CEP128: variants seen among roughly 807,000 people sequenced by gnomAD.
The protein encoded by CEP128 is centrosomal protein 128kDa.
In CEP128, 132 loss-of-function variants were observed where a neutral mutation model predicts 156.7. That is an observed-to-expected ratio of 0.84 (90% CI 0.73 to 0.97). The LOEUF is 0.97. Ranked by LOEUF, CEP128 falls within the 50% of genes least tolerant of loss-of-function variation. The pLI is 0.00. For missense variants in CEP128, 1,252 were observed against 1,281.9 expected (o/e 0.98, Z 0.36); for synonymous variants, 469 against 448.9 (o/e 1.04, Z -0.57).
At position 80,792,745 on chromosome 14, in the gene CEP128, A is replaced by C. The variant is rs1252580573; in HGVS notation, c.1560+15T>G. On this transcript the variant is annotated intron_variant, in intron 14 of 24. Transcript: ENST00000555265. ...TCACATTGAAAACCGTTCCTTAGGAATGTGGCTTTTATACCTGATTATTCT... is the reference window on the plus strand; with the variant it reads ...TCACATTGAAAACCGTTCCTTAGGACTGTGGCTTTTATACCTGATTATTCT... 1 of 1,601,856 alleles carries C rather than the reference A, an allele frequency of 6.2e-7. No individual in the cohort carries two copies. The highest frequency in any genetic ancestry group is 8.5e-7 in the Non-Finnish European group (1 of 1,169,700).
At chr14:80,858,308 T>C (rs1887314866) in intron 9 of CEP128, among the ~76,000 whole-genome samples, 1 of 137,768 alleles carries the variant, frequency 7.3e-6, no homozygotes, top group Non-Finnish European at 1.5e-5. Context: ...GGATTCCCTA[T>C]TTAATAAATG....
At chr14:80,905,161 T>G (rs1362939250) in intron 5 of CEP128, among the ~76,000 whole-genome samples, 1 of 134,708 alleles carries the variant, frequency 7.4e-6, no homozygotes, top group Middle Eastern at 3.5e-3. Flanking sequence ...AATAGAACAC[T>G]CAAAAGTTTC....
At chr14:80,743,377 C>T (rs1303006631) in intron 18 of CEP128, 110 bp from the exon 19 acceptor site, 18 of 981,232 alleles carry the variant, frequency 1.8e-5, no homozygotes, top group East Asian at 2.6e-5. Context: ...TAGATAATTA[C>T]CAAATTTTTG....
intron 19 of CEP128, among the ~76,000 whole-genome samples, chr14:80,688,550 T>C (rs1896604005): frequency 6.6e-6 from 1 of 152,214 alleles, no homozygotes; most frequent in Non-Finnish European, 1.5e-5. Context: ...TAACTAATGT[T>C]ATACTAAAAC....
At chr14:80,682,438 T>C (rs972480787) in intron 19 of CEP128, among the ~76,000 whole-genome samples, 1 of 152,146 alleles carries the variant, frequency 6.6e-6, no homozygotes, top group Admixed American at 6.5e-5. Context: ...TTGAGAAATA[T>C]GGAATTATGT....
intron 9 of CEP128, among the ~76,000 whole-genome samples, chr14:80,843,255 A>G (rs1595485819): frequency 1.3e-5 from 2 of 152,030 alleles, no homozygotes; most frequent in East Asian, 3.9e-4. Flanking sequence ...AGCTTGGTTA[A>G]GAATGATGGC....
At chr14:80,885,939 C>T (rs1888775980) in intron 8 of CEP128, among the ~76,000 whole-genome samples, 1 of 151,968 alleles carries the variant, frequency 6.6e-6, no homozygotes, top group South Asian at 2.1e-4. Context: ...ACATAAATGA[C>T]CTGGTGGAGC....
intron 19 of CEP128, among the ~76,000 whole-genome samples, chr14:80,632,035 C>T (rs1164041146): frequency 6.6e-6 from 1 of 151,996 alleles, no homozygotes; most frequent in Non-Finnish European, 1.5e-5. Flanking sequence ...CTCTTCTGTA[C>T]TCTGAATTCT....
chr14:80,699,119 G>A (rs1279557693), intron 19 of CEP128, among the ~76,000 whole-genome samples: 1 of 152,126 alleles, frequency 6.6e-6, no homozygotes, highest in African/African-American at 2.4e-5. Context: ...CTTTCTGTCA[G>A]AGTACACATT....
At chr14:80,810,285 T>C (rs146507450) in intron 13 of CEP128, among the ~76,000 whole-genome samples, 8,475 of 120,372 alleles carry the variant, frequency 0.07, 925 homozygotes, top group African/African-American at 0.25. Context: ...ATCGCGCCAT[T>C]GCACTCCAGC....
chr14:80,754,077 T>A (rs1899520975), intron 18 of CEP128, among the ~76,000 whole-genome samples: 2 of 152,218 alleles, frequency 1.3e-5, no homozygotes, highest in African/African-American at 4.8e-5. Context: ...CATTCTCCTG[T>A]TCAAAACTCC....
chr14:80,834,047 T>C (rs940191168), intron 12 of CEP128, among the ~76,000 whole-genome samples: 1 of 152,104 alleles, frequency 6.6e-6, no homozygotes, highest in African/African-American at 2.4e-5. Context: ...AATGAGCAAC[T>C]CCATTTGGAG....
In CEP128 at chr14:80,751,866, G is replaced by C. The variant is rs186567835; in HGVS notation, c.2613+5026C>G. ...GGCTGGTCTCGAACTCCCAACCTCAGATGAACTATCCACCTCGGCCTCTCA... is the reference window on the plus strand; with the variant it reads ...GGCTGGTCTCGAACTCCCAACCTCACATGAACTATCCACCTCGGCCTCTCA... On this transcript the variant is annotated intron_variant, in intron 18 of 24. Transcript: ENST00000555265. Among the ~76,000 whole-genome samples the C allele has an allele frequency of 2.6e-5, 4 of 152,240 alleles. No homozygotes were observed. The South Asian group carries it at 8.3e-4, about 32-fold the overall frequency.
chr14:80,748,019 T>C (rs1371345415), intron 18 of CEP128, among the ~76,000 whole-genome samples: 1 of 152,196 alleles, frequency 6.6e-6, no homozygotes, highest in Middle Eastern at 3.2e-3. Flanking sequence ...TTGTATGATA[T>C]ATGAATTATA....
At chr14:80,717,938 C>T (rs535543953) in intron 19 of CEP128, among the ~76,000 whole-genome samples, 1 of 152,294 alleles carries the variant, frequency 6.6e-6, no homozygotes, top group African/African-American at 2.4e-5. Flanking sequence ...CTTCAGCTTC[C>T]CTAGTAGCTC....
At chr14:80,918,325 C>A (rs113082543) in intron 2 of CEP128, among the ~76,000 whole-genome samples, 2 of 152,298 alleles carry the variant, frequency 1.3e-5, no homozygotes, top group East Asian at 3.9e-4. Flanking sequence ...AACATAACAT[C>A]TTTTACTCTA....
intron 1 of CEP128, among the ~76,000 whole-genome samples, chr14:80,940,824 G>C (rs1033773613): frequency 6.6e-6 from 1 of 151,916 alleles, no homozygotes; most frequent in African/African-American, 2.4e-5. Context: ...ATTCACCTGA[G>C]TGGCTCACAC....
At chr14:80,625,255 T>C (rs1434244877) in intron 19 of CEP128, among the ~76,000 whole-genome samples, 2 of 152,208 alleles carry the variant, frequency 1.3e-5, no homozygotes, top group African/African-American at 4.8e-5. Flanking sequence ...AATCAGTTAG[T>C]TGTAAATGTG....
chr14:80,811,064 T>C (rs1232171630), intron 13 of CEP128, among the ~76,000 whole-genome samples: 2 of 152,128 alleles, frequency 1.3e-5, no homozygotes, highest in Admixed American at 6.5e-5. Flanking sequence ...CTGTGTTAGT[T>C]TGCTGAGGTT....
Sources: allele counts gnomAD v4.1 joint callset (sites outside exome capture counted in the v4.1 genomes callset), GRCh38; gene constraint gnomAD v4.1.1; transcripts MANE v1.5; gene names NCBI Gene and HGNC (gene_info 2026-07-23, HGNC 2026-07-21).